SCHIP1: variants seen among roughly 807,000 people sequenced by gnomAD.
SCHIP1 encodes the protein schwannomin-interacting protein 1.
Under a neutral mutation model 29.7 loss-of-function variants are expected in SCHIP1, and 8 were observed. The ratio of observed to expected loss-of-function variants is 0.27; its 90% CI spans 0.16 to 0.49. The LOEUF (loss-of-function observed/expected upper bound fraction) is 0.49. Ranked by LOEUF, SCHIP1 falls within the 20% of genes least tolerant of loss-of-function variation. SCHIP1 has a pLI of 0.99. For synonymous variants in SCHIP1, 76 were observed against 94.9 expected (o/e 0.80, Z 1.16); for missense variants, 193 against 294.6 (o/e 0.66, Z 2.52).
chr3:159,820,435 A>G, the SCHIP1 span, among the ~76,000 whole-genome samples: 2 of 152,232 alleles, frequency 1.3e-5, no homozygotes, highest in Non-Finnish European at 2.9e-5. Flanking sequence ...AAATTTCTAC[A>G]AATTATGATT....
At chr3:159,846,855 T>A (rs929552242) in intron 1 of SCHIP1, among the ~76,000 whole-genome samples, 8 of 149,998 alleles carry the variant, frequency 5.3e-5, no homozygotes, top group South Asian at 2.1e-4. Flanking sequence ...AATAAAAAAA[T>A]TTTGGAGATA....
the SCHIP1 span, among the ~76,000 whole-genome samples, chr3:159,413,859 C>G: frequency 6.6e-6 from 1 of 152,062 alleles, no homozygotes; most frequent in Admixed American, 6.6e-5. Context: ...CAAAACAGCA[C>G]AATTCAATAT....
chr3:159,374,314 G>T, the SCHIP1 span, among the ~76,000 whole-genome samples: 4 of 152,080 alleles, frequency 2.6e-5, no homozygotes, highest in Non-Finnish European at 4.4e-5. Context: ...GGGATAAGCA[G>T]GAAGGGTAGA....
chr3:159,836,611 C>A (rs1411347840), upstream of SCHIP1, among the ~76,000 whole-genome samples: 1 of 152,096 alleles, frequency 6.6e-6, no homozygotes, highest in Non-Finnish European at 1.5e-5. Flanking sequence ...CTTTCTTAGA[C>A]CTTGGTTTCC....
chr3:159,877,694 G>A (rs570330372), intron 2 of SCHIP1, among the ~76,000 whole-genome samples: 1 of 152,230 alleles, frequency 6.6e-6, no homozygotes, highest in South Asian at 2.1e-4. Flanking sequence ...TACCCAGTCC[G>A]CATGAACATT....
chr3:159,750,335 G>A, the SCHIP1 span, among the ~76,000 whole-genome samples: 11 of 140,476 alleles, frequency 7.8e-5, no homozygotes, highest in African/African-American at 3.1e-4. Context: ...ACATATATAT[G>A]CACATATATA....
chr3:159,672,124 C>T, the SCHIP1 span, among the ~76,000 whole-genome samples: 2 of 152,196 alleles, frequency 1.3e-5, no homozygotes, highest in East Asian at 3.8e-4. Context: ...TTAGTCATTA[C>T]AGAATGTCCT....
chr3:159,577,539 A>T, the SCHIP1 span, among the ~76,000 whole-genome samples: 4 of 152,156 alleles, frequency 2.6e-5, no homozygotes, highest in Non-Finnish European at 5.9e-5. Flanking sequence ...ACTCCTTTTT[A>T]TGTGTATGAA....
the SCHIP1 span, among the ~76,000 whole-genome samples, chr3:159,392,652 T>C: frequency 3.3e-5 from 5 of 152,034 alleles, no homozygotes; most frequent in East Asian, 9.6e-4. Flanking sequence ...TCATCATTTT[T>C]TATGGCTGCA....
the SCHIP1 span, among the ~76,000 whole-genome samples, chr3:159,567,191 T>C: frequency 1.3e-5 from 2 of 152,304 alleles, no homozygotes; most frequent in African/African-American, 4.8e-5. Context: ...AATTTTCTAT[T>C]ACATTGTTTC....
the SCHIP1 span, among the ~76,000 whole-genome samples, chr3:159,626,212 ATC>A: frequency 1.2e-3 from 153 of 123,418 alleles, 4 homozygotes; most frequent in African/African-American, 5.9e-3. Context: ...AGATAGATAT[ATC>A]TAGATATATA....
the SCHIP1 span, among the ~76,000 whole-genome samples, chr3:159,406,609 T>A: frequency 6.6e-6 from 1 of 152,228 alleles, no homozygotes; most frequent in Admixed American, 6.5e-5. Flanking sequence ...ACTGTAATTG[T>A]GATGTGTAAA....
At chr3:159,326,495 T>C in the SCHIP1 span, among the ~76,000 whole-genome samples, 2 of 152,182 alleles carry the variant, frequency 1.3e-5, no homozygotes, top group African/African-American at 2.4e-5. Context: ...TTTTTGCATC[T>C]CTGCCCTACC....
chr3:159,784,715 G>A, the SCHIP1 span, among the ~76,000 whole-genome samples: 1 of 152,188 alleles, frequency 6.6e-6, no homozygotes, highest in Non-Finnish European at 1.5e-5. Flanking sequence ...GTGCAGTGGT[G>A]CCATCTCAGC....
the SCHIP1 span, among the ~76,000 whole-genome samples, chr3:159,470,094 CCA>C: frequency 2.0e-5 from 3 of 152,006 alleles, no homozygotes; most frequent in Non-Finnish European, 4.4e-5. Context: ...AAATTTAACA[CCA>C]GTCTTCCTAA....
chr3:159,485,547 C>G, the SCHIP1 span, among the ~76,000 whole-genome samples: 1 of 152,146 alleles, frequency 6.6e-6, no homozygotes, highest in Admixed American at 6.5e-5. Context: ...AGAATATAAT[C>G]ACTTTATGTG....
chr3:159,639,275 C>T, the SCHIP1 span, among the ~76,000 whole-genome samples: 1 of 152,054 alleles, frequency 6.6e-6, no homozygotes, highest in Non-Finnish European at 1.5e-5. Context: ...TTTATTGGAT[C>T]TTAAATGTGT....
At chr3:159,758,222 G>A in the SCHIP1 span, among the ~76,000 whole-genome samples, 10 of 151,942 alleles carry the variant, frequency 6.6e-5, no homozygotes, top group Non-Finnish European at 1.5e-4. Flanking sequence ...GCGCAATCTT[G>A]GCTCACTGCA....
At chr3:159,753,213 A>G in the SCHIP1 span, among the ~76,000 whole-genome samples, 4 of 152,300 alleles carry the variant, frequency 2.6e-5, no homozygotes, top group South Asian at 2.1e-4. Context: ...AATACCATCC[A>G]TATGCTATGA....
Sources: allele counts gnomAD v4.1 joint callset (sites outside exome capture counted in the v4.1 genomes callset), GRCh38; gene constraint gnomAD v4.1.1; transcripts MANE v1.5; gene names NCBI Gene and HGNC (gene_info 2026-07-23, HGNC 2026-07-21).